SUGCT: variants seen among roughly 807,000 people sequenced by gnomAD.
SUGCT encodes the protein succinyl-CoA:glutarate-CoA transferase.
A neutral mutation model predicts 55.0 loss-of-function variants in SUGCT; 41 were observed. That is an observed-to-expected ratio of 0.74 (90% confidence interval 0.58 to 0.97). The LOEUF is 0.97. SUGCT is among the 50% of genes least tolerant of loss of function. SUGCT has a pLI of 0.00. For missense variants in SUGCT, 568 were observed against 547.8 expected, an observed-to-expected ratio of 1.04 and a Z score of -0.37; for synonymous variants, 187 against 200.4, an observed-to-expected ratio of 0.93 and a Z score of 0.56.
At chr7:40,964,699 T>C in the SUGCT span, 1 of 152,246 alleles carries the variant, frequency 6.6e-6, no homozygotes, top group African/African-American at 2.4e-5. Flanking sequence ...CTTAATTCTT[T>C]ATTGATATGC....
intron 9 of SUGCT, among the ~76,000 whole-genome samples, chr7:40,401,770 G>GC (rs1314010084): frequency 2.6e-5 from 4 of 152,126 alleles, no homozygotes; most frequent in Non-Finnish European, 4.4e-5. Flanking sequence ...AATAACAAGA[G>GC]CTATAAATCA....
chr7:41,012,604 A>G, the SUGCT span, among the ~76,000 whole-genome samples: 2 of 152,206 alleles, frequency 1.3e-5, no homozygotes, highest in African/African-American at 4.8e-5. Context: ...TTCATTAGGT[A>G]ATCTTGGCTT....
chr7:40,399,310 G>A (rs911485107), intron 9 of SUGCT, among the ~76,000 whole-genome samples: 1 of 152,122 alleles, frequency 6.6e-6, no homozygotes, highest in Non-Finnish European at 1.5e-5. Context: ...TAAACCCTGA[G>A]AGGATTTAAG....
chr7:40,155,242 G>A (rs1043721276), intron 1 of SUGCT, among the ~76,000 whole-genome samples: 5 of 150,688 alleles, frequency 3.3e-5, no homozygotes, highest in Non-Finnish European at 5.9e-5. Flanking sequence ...CCAAGATTGC[G>A]CCACTGCACT....
At chr7:40,194,474 A>T (rs1183332984) in intron 5 of SUGCT, among the ~76,000 whole-genome samples, 1 of 151,582 alleles carries the variant, frequency 6.6e-6, no homozygotes, top group Non-Finnish European at 1.5e-5. Flanking sequence ...CTGGTCTTGA[A>T]CTCCTGATCT....
chr7:40,810,224 C>A (rs1372108788), intron 13 of SUGCT, among the ~76,000 whole-genome samples: 1 of 152,018 alleles, frequency 6.6e-6, no homozygotes, highest in Non-Finnish European at 1.5e-5. Flanking sequence ...CTCCCAGGCC[C>A]AAGCAATCCT....
chr7:40,849,505 C>T (rs1793744095), intron 13 of SUGCT, among the ~76,000 whole-genome samples: 1 of 152,082 alleles, frequency 6.6e-6, no homozygotes, highest in African/African-American at 2.4e-5. Context: ...ATTATGTTCC[C>T]ATTACTTGAA....
intron 1 of SUGCT, among the ~76,000 whole-genome samples, chr7:40,172,517 T>C (rs1474067711): frequency 6.6e-6 from 1 of 152,068 alleles, no homozygotes; most frequent in Non-Finnish European, 1.5e-5. Context: ...CATTAGTACC[T>C]AGGAGGCAGG....
intron 12 of SUGCT, among the ~76,000 whole-genome samples, chr7:40,590,923 TA>T (rs1797685064): frequency 6.6e-6 from 1 of 152,192 alleles, no homozygotes; most frequent in Admixed American, 6.5e-5. Context: ...AAAATTATTT[TA>T]AAATATTATT....
intron 7 of SUGCT, among the ~76,000 whole-genome samples, chr7:40,239,454 T>C (rs1401118761): frequency 6.6e-6 from 1 of 152,232 alleles, no homozygotes; most frequent in Non-Finnish European, 1.5e-5. Flanking sequence ...CTCTCATTGC[T>C]CAATTCCATA....
chr7:40,864,894 C>T (rs952352516), downstream of SUGCT, among the ~76,000 whole-genome samples: 2 of 152,082 alleles, frequency 1.3e-5, no homozygotes, highest in Non-Finnish European at 2.9e-5. Context: ...TTACTCACCT[C>T]GATTTTTCAT....
rs34395438 is a variant in SUGCT, at chr7:40,135,999, A to ATT, written c.100+895_100+896dup. 9.1e-4 allele frequency among the ~76,000 whole-genome samples: 103 copies of ATT among 112,984 alleles called. 1 individual carries two copies. The highest frequency in any genetic ancestry group is 2.7e-3 in the African/African-American group (85 of 31,674). 74.1% of individuals were successfully genotyped at this position (112,984 alleles called of 152,430 possible). On this transcript the variant is annotated intron_variant, in intron 1 of 13. Transcript: ENST00000335693. The stretch of plus-strand genomic sequence containing the variant: ...CTTGAAATTAGTTGCAGGATGCAGG[A>ATT]TTTTTTTTTTTTTTTTTGAGACAGT...
chr7:40,214,642 A>G (rs764534820), intron 6 of SUGCT, among the ~76,000 whole-genome samples: 8 of 152,084 alleles, frequency 5.3e-5, no homozygotes, highest in Non-Finnish European at 1.2e-4. Context: ...TGGGCTGGGC[A>G]TGGTGGCTCA....
At chr7:40,980,496 A>T in the SUGCT span, among the ~76,000 whole-genome samples, 1 of 152,188 alleles carries the variant, frequency 6.6e-6, no homozygotes, top group East Asian at 1.9e-4. Flanking sequence ...TGTAAATCAG[A>T]TATGGATGAG....
the SUGCT span, among the ~76,000 whole-genome samples, chr7:41,019,613 T>C: frequency 6.6e-6 from 1 of 152,190 alleles, no homozygotes; most frequent in East Asian, 1.9e-4. Flanking sequence ...CATACTTGGG[T>C]TGGGAAAACA....
intron 1 of SUGCT, among the ~76,000 whole-genome samples, chr7:40,159,039 C>CG (rs1784026855): frequency 6.6e-6 from 1 of 152,168 alleles, no homozygotes; most frequent in East Asian, 1.9e-4. Flanking sequence ...CCTCAGCCTG[C>CG]TGAGTAGCTG....
chr7:40,615,951 A>G (rs1178837540), intron 12 of SUGCT, among the ~76,000 whole-genome samples: 2 of 152,178 alleles, frequency 1.3e-5, no homozygotes, highest in African/African-American at 4.8e-5. Flanking sequence ...AATATGTTTA[A>G]TAATATTACG....
intron 9 of SUGCT, among the ~76,000 whole-genome samples, chr7:40,324,252 A>ATATATATATATATATATATATATAT (rs1554311560): frequency 1.7e-5 from 2 of 117,618 alleles, no homozygotes; most frequent in East Asian, 2.5e-4. Context: ...TAAATAAATA[A>ATATATATATATATATATATATATAT]ATATATATAT....
Position 40,532,158 on chromosome 7 carries a change from T to A in SUGCT, c.1089+35772T>A, listed in dbSNP as rs548384819. ...CATCTGGGGTTGGTTAAAATTGTTT[T>A]GAAATTTCTTCTTCAGAAATAAGGA... On this transcript the variant is annotated intron_variant, in intron 12 of 13. Transcript: ENST00000335693. Among the ~76,000 whole-genome samples, 23 of 152,316 alleles carry A rather than the reference T, an allele frequency of 1.5e-4. 1 individual carries two copies. The highest frequency in any genetic ancestry group is 3.4e-3 in the Middle Eastern group (1 of 294).
Sources: gnomAD v4.1 joint callset for allele counts (sites outside exome capture counted in the v4.1 genomes callset) on GRCh38, gnomAD v4.1.1 for gene constraint, MANE v1.5 for transcripts, NCBI Gene and HGNC (gene_info 2026-07-23, HGNC 2026-07-21) for gene names.